The following ANK1 variants were observed in gnomAD, a reference collection of about 807,000 sequenced individuals.
The protein encoded by ANK1 is ankyrin 1, also known as ankyrin-1.
Under a neutral mutation model 210.4 loss-of-function variants are expected in ANK1, and 51 were observed. The ratio of observed to expected loss-of-function variants is 0.24; its 90% confidence interval spans 0.19 to 0.31. The LOEUF (loss-of-function observed/expected upper bound fraction) is 0.31, where lower values mean the gene tolerates loss of function less well. ANK1 is among the 10% of genes least tolerant of loss of function. ANK1 has a pLI of 1.00. For missense variants in ANK1, 2,051 were observed against 2,504.4 expected (o/e 0.82, Z 3.86); for synonymous variants, 967 against 1,025.9 (o/e 0.94, Z 1.10).
chr8:41,733,915 G>A, intron 3 of ANK1, 56 bp downstream of exon 3: 2 of 1,406,348 alleles, frequency 1.4e-6, no homozygotes, highest in Non-Finnish European at 2.0e-6. Flanking sequence ...TTCTAAGGAA[G>A]GACTCACAAA....
At chr8:41,685,904 T>C (rs951568500) in intron 36 of ANK1, among the ~76,000 whole-genome samples, 19 of 152,248 alleles carry the variant, frequency 1.2e-4, no homozygotes, top group Admixed American at 3.3e-4. Context: ...CATGAGCCAC[T>C]GTGCCAGGCC....
intron 1 of ANK1, among the ~76,000 whole-genome samples, chr8:41,818,776 C>A (rs1803727038): frequency 6.6e-6 from 1 of 152,060 alleles, no homozygotes; most frequent in Non-Finnish European, 1.5e-5. Flanking sequence ...ATGGAAAAAA[C>A]CTGGTCAGGC....
At chr8:41,892,500 C>T (rs1000780480) in intron 1 of ANK1, among the ~76,000 whole-genome samples, 3 of 152,218 alleles carry the variant, frequency 2.0e-5, no homozygotes, top group Non-Finnish European at 4.4e-5. Flanking sequence ...GGACCCTGTG[C>T]AAACACTGTT....
At chr8:41,814,152 G>C (rs1802926719) in intron 1 of ANK1, among the ~76,000 whole-genome samples, 1 of 152,120 alleles carries the variant, frequency 6.6e-6, no homozygotes, top group African/African-American at 2.4e-5. Flanking sequence ...ACGAGGTCAG[G>C]AGTTCAAGAC....
intron 1 of ANK1, among the ~76,000 whole-genome samples, chr8:41,824,211 C>G (rs1008511703): frequency 6.6e-6 from 1 of 152,082 alleles, no homozygotes; most frequent in Non-Finnish European, 1.5e-5. Context: ...GTGATCCAAC[C>G]GCCTCGGCCT....
At chr8:41,707,980 A>G (rs553334230) in intron 17 of ANK1, among the ~76,000 whole-genome samples, 17 of 152,290 alleles carry the variant, frequency 1.1e-4, no homozygotes, top group Non-Finnish European at 2.9e-5. Context: ...AAATTCCTAG[A>G]GACTGAAAGA....
At chr8:41,855,477 G>C (rs1367070221) in intron 1 of ANK1, among the ~76,000 whole-genome samples, 4 of 152,204 alleles carry the variant, frequency 2.6e-5, no homozygotes, top group Non-Finnish European at 5.9e-5. Flanking sequence ...GTCATGTTTA[G>C]AGAGGATTTT....
chr8:41,878,682 A>G (rs1256259438), intron 1 of ANK1, among the ~76,000 whole-genome samples: 1 of 152,226 alleles, frequency 6.6e-6, no homozygotes, highest in Non-Finnish European at 1.5e-5. Flanking sequence ...GAGCATTGAA[A>G]CATGCACAGG....
chr8:41,785,891 C>T (rs1031361381), intron 1 of ANK1, among the ~76,000 whole-genome samples: 2 of 152,200 alleles, frequency 1.3e-5, no homozygotes, highest in Non-Finnish European at 2.9e-5. Flanking sequence ...GCCGAGGGTC[C>T]GAGCTGACCT....
At chr8:41,818,111 G>A (rs934857436) in intron 1 of ANK1, among the ~76,000 whole-genome samples, 7 of 152,174 alleles carry the variant, frequency 4.6e-5, no homozygotes, top group East Asian at 3.8e-4. Context: ...AAAAGAAGAC[G>A]TATAGGAAAG....
chr8:41,712,005 A>G (rs1474169017), intron 16 of ANK1, among the ~76,000 whole-genome samples: 1 of 151,722 alleles, frequency 6.6e-6, no homozygotes, highest in African/African-American at 2.4e-5. Context: ...GCTCGCCGCA[A>G]TCTCTGCCTC....
intron 1 of ANK1, among the ~76,000 whole-genome samples, chr8:41,857,777 G>A (rs1392562494): frequency 6.6e-6 from 1 of 151,652 alleles, no homozygotes; most frequent in Non-Finnish European, 1.5e-5. Context: ...GGTGGCGCAT[G>A]CCTGTAATCC....
intron 2 of ANK1, among the ~76,000 whole-genome samples, chr8:41,754,256 A>G (rs941006690): frequency 4.6e-5 from 7 of 152,206 alleles, no homozygotes; most frequent in Admixed American, 1.3e-4. Context: ...GCAAACAATA[A>G]ATTTTAAAAT....
rs562163065 is a variant in ANK1 at position 41,743,682 on chromosome 8, G to A, written c.130-9613C>T. On this transcript the variant is annotated intron_variant, in intron 2 of 42. Coordinates refer to ENST00000289734, the MANE Select transcript of ANK1 (RefSeq NM_000037.4). The stretch of plus-strand genomic sequence containing the variant: ...AGTCAGTGAATATGTTAAGGAGGAC[G>A]GGCATCAGTGGCATTCAGGCCTCCT... Among the ~76,000 whole-genome samples the A allele has an allele frequency of 1.4e-4, 21 of 152,302 alleles. No homozygotes were observed. In the South Asian group the frequency reaches 1.7e-3, roughly 12 times the overall value.
At chr8:41,696,917 T>G (rs1480002829) in intron 24 of ANK1, 144 bp from the exon 25 acceptor site, 10 of 797,400 alleles carry the variant, frequency 1.3e-5, no homozygotes, top group Non-Finnish European at 2.1e-5. Context: ...CCCACCGCCC[T>G]GTCAGACAAG....
chr8:41,755,003 G>A (rs572979285), intron 2 of ANK1, among the ~76,000 whole-genome samples: 3 of 152,238 alleles, frequency 2.0e-5, no homozygotes, highest in Admixed American at 6.5e-5. Context: ...CCTGTCTTTC[G>A]TTCCCTTCTG....
chr8:41,663,700 C>T lies in ANK1; in HGVS notation c.5437G>A (p.Glu1813Lys), dbSNP rs1809346347. The change falls in exon 40 of 43, where the codon GAG (glutamate) becomes AAG (lysine). Residue 1813 changes from glutamate (E) to lysine (K), a missense_variant. Around this residue, in one of 6 missense-constraint regions of ANK1, gnomAD observed 496 missense variants for 533.4 expected, o/e 0.93. Coordinates refer to ENST00000289734, the MANE Select transcript of ANK1 (RefSeq NM_000037.4). ...QNIPGEQVTE[E>K]QFTDEQGNIV... ...TTGCCCTGCTCATCCGTGAATTGCTCCTCTGTCACCTGCTCCCCTGGAATA... is the reference window on the plus strand; with the variant it reads ...TTGCCCTGCTCATCCGTGAATTGCTTCTCTGTCACCTGCTCCCCTGGAATA... The T allele has an allele frequency of 1.2e-6, 2 of 1,614,028 alleles. No individual in the cohort carries two copies. Among genetic ancestry groups the T allele is most frequent in the African/African-American group, 1.3e-5 (1 of 74,934 alleles).
chr8:41,723,351 C>T (rs1467705633), intron 8 of ANK1, 128 bp from the exon 9 acceptor site: 6 of 1,190,186 alleles, frequency 5.0e-6, no homozygotes, highest in Non-Finnish European at 6.2e-6. Context: ...ACCAGCTCGA[C>T]CTCAGCACAG....
chr8:41,746,850 C>G (rs1467083937), intron 2 of ANK1, among the ~76,000 whole-genome samples: 1 of 147,662 alleles, frequency 6.8e-6, no homozygotes, highest in Non-Finnish European at 1.5e-5. Flanking sequence ...CATCTATGCC[C>G]GAGATCTTGG....
Sources: allele counts gnomAD v4.1 joint callset (sites outside exome capture counted in the v4.1 genomes callset), GRCh38; gene constraint gnomAD v4.1.1; regional missense constraint gnomAD v4.1.1; transcripts MANE v1.5; gene names NCBI Gene and HGNC (gene_info 2026-07-23, HGNC 2026-07-21).